Variants in CECR2 observed in about 807,000 individuals in gnomAD.
The protein encoded by CECR2 is CECR2 histone acetyl-lysine reader.
Under a neutral mutation model 154.5 loss-of-function variants are expected in CECR2, and 30 were observed. The observed-to-expected ratio is 0.19, with a 90% CI of 0.15 to 0.26. The LOEUF (loss-of-function observed/expected upper bound fraction) is 0.26, where lower values mean the gene tolerates loss of function less well. Among genes scored for constraint, CECR2 ranks in the 10% least tolerant of loss-of-function variants. The probability of loss-of-function intolerance (pLI) is 1.00; values close to 1 mark genes in which losing one functional copy is unlikely to be tolerated. For synonymous variants in CECR2, 725 were observed against 683.7 expected, an observed-to-expected ratio of 1.06 and a Z score of -0.94; for missense variants, 1,743 against 1,829.3, an observed-to-expected ratio of 0.95 and a Z score of 0.86.
At position 17,554,412 on chromosome 22, in the gene CECR2, C is replaced by T. The variant is rs937838744; in HGVS notation, c.*1572C>T. On this transcript the variant is annotated 3_prime_UTR_variant, in exon 19 of 19. Transcript: ENST00000262608. ...GCCAGTAGAGTGTTTCCCTCCAATT[C>T]CAGGATTCCTAGTGAAGCATGGAAC... The T allele has an allele frequency of 1.3e-5, 2 of 152,124 alleles. No homozygotes were observed. Among genetic ancestry groups the T allele is most frequent in the South Asian group, 4.1e-4 (2 of 4,828 alleles). 9.4% of individuals were successfully genotyped at this position (152,124 alleles called of 1,614,324 possible).
chr22:17,542,302 A>G lies in CECR2; in HGVS notation c.2159A>G (p.Asp720Gly), dbSNP rs1349857911. 1 of 1,612,328 alleles carries G rather than the reference A, an allele frequency of 6.2e-7. No individual in the cohort carries two copies. Among genetic ancestry groups the G allele is most frequent in the Admixed American group, 1.7e-5 (1 of 59,798 alleles). The change falls in exon 16 of 19, where the codon GAT (aspartate) becomes GGT (glycine). Residue 720 changes from aspartate (D) to glycine (G), a missense_variant. By Grantham distance (94) the Asp-to-Gly change is moderately conservative. This residue lies in a region of CECR2 where 1,250 missense variants were observed against 1,192.1 expected (regional missense o/e 1.05). Transcript: ENST00000262608. ...QLGQISGPSQDGSMYAPAQFQ... is the reference protein window; with the variant it reads ...QLGQISGPSQGGSMYAPAQFQ... ...GGGCAGATAAGTGGCCCAAGTCAGG[A>G]TGGAAGCATGTATGCTCCAGCTCAG...
intron 2 of CECR2, among the ~76,000 whole-genome samples, chr22:17,480,633 C>T (rs542960674): frequency 6.6e-6 from 1 of 152,140 alleles, no homozygotes; most frequent in Non-Finnish European, 1.5e-5. Context: ...AATGTACACT[C>T]GTTCTTGTCT....
chr22:17,375,828 G>T (rs560478042), intron 1 of CECR2, among the ~76,000 whole-genome samples: 1 of 152,064 alleles, frequency 6.6e-6, no homozygotes, highest in Non-Finnish European at 1.5e-5. Context: ...GGTGGTGCAT[G>T]CCTGTAATCC....
intron 1 of CECR2, among the ~76,000 whole-genome samples, chr22:17,421,361 A>G (rs1463791649): frequency 6.6e-6 from 1 of 151,978 alleles, no homozygotes; most frequent in Admixed American, 6.5e-5. Context: ...CATGCCTGTA[A>G]TCCCAGCACT....
chr22:17,389,690 C>T (rs568118230), intron 1 of CECR2, among the ~76,000 whole-genome samples: 20 of 152,120 alleles, frequency 1.3e-4, no homozygotes, highest in Non-Finnish European at 2.2e-4. Context: ...TTCAGTGGCA[C>T]GATCTTGGCT....
chr22:17,486,825 A>AGCGC (rs1413766861), intron 2 of CECR2, among the ~76,000 whole-genome samples: 1 of 152,214 alleles, frequency 6.6e-6, no homozygotes, highest in Non-Finnish European at 1.5e-5. Context: ...GGTATGAATA[A>AGCGC]GCGCGAGTGG....
At chr22:17,474,109 C>A (rs948355010) in intron 1 of CECR2, among the ~76,000 whole-genome samples, 10 of 152,030 alleles carry the variant, frequency 6.6e-5, no homozygotes, top group Non-Finnish European at 1.3e-4. Flanking sequence ...TCCAGGGGTT[C>A]GTCACCTATT....
At chr22:17,399,077 GATT>G (rs913717930) in intron 1 of CECR2, among the ~76,000 whole-genome samples, 2 of 152,190 alleles carry the variant, frequency 1.3e-5, no homozygotes, top group African/African-American at 4.8e-5. Context: ...GTTCCCAGGT[GATT>G]ATTATGCACA....
At chr22:17,475,684 G>C (rs1377329315) in intron 1 of CECR2, among the ~76,000 whole-genome samples, 1 of 152,138 alleles carries the variant, frequency 6.6e-6, no homozygotes, top group African/African-American at 2.4e-5. Flanking sequence ...TATCAAATGA[G>C]ATTGGCCTGG....
chr22:17,555,837 C>T lies in CECR2; in HGVS notation c.*2997C>T, dbSNP rs1229428835. The T allele has an allele frequency of 6.6e-6, 1 of 152,008 alleles. No individual in the cohort carries two copies. Among genetic ancestry groups the T allele is most frequent in the Non-Finnish European group, 1.5e-5 (1 of 67,990 alleles). 9.4% of individuals were successfully genotyped at this position (152,008 alleles called of 1,614,324 possible). ...CCAGGAGGATGGGGATAGCTGAGAT[C>T]GTGGAGAATGGGAAATACCATTGCA... On this transcript the variant is annotated 3_prime_UTR_variant, in exon 19 of 19. Transcript: ENST00000262608.
intron 1 of CECR2, among the ~76,000 whole-genome samples, chr22:17,459,445 C>T (rs1318186826): frequency 6.6e-6 from 1 of 152,122 alleles, no homozygotes; most frequent in Non-Finnish European, 1.5e-5. Flanking sequence ...TTGAGCGCCA[C>T]AACGCCCAGC....
intron 1 of CECR2, among the ~76,000 whole-genome samples, chr22:17,375,572 C>T (rs1444576628): frequency 2.0e-5 from 3 of 152,168 alleles, no homozygotes; most frequent in African/African-American, 7.2e-5. Flanking sequence ...TGGAGGCTTG[C>T]ACAGGGCCAT....
chr22:17,520,139 C>T (rs1021387345), intron 8 of CECR2, among the ~76,000 whole-genome samples: 1 of 152,150 alleles, frequency 6.6e-6, no homozygotes, highest in South Asian at 2.1e-4. Context: ...GAGTAATTGG[C>T]TTGCATTTGC....
chr22:17,499,808 G>C (rs773281566), intron 4 of CECR2, among the ~76,000 whole-genome samples: 5 of 152,084 alleles, frequency 3.3e-5, no homozygotes, highest in Non-Finnish European at 5.9e-5. Flanking sequence ...CTTGCCACAG[G>C]CTATTTTAAT....
chr22:17,371,470 A>C (rs892023758), intron 1 of CECR2, among the ~76,000 whole-genome samples: 1 of 152,224 alleles, frequency 6.6e-6, no homozygotes, highest in African/African-American at 2.4e-5. Flanking sequence ...TTCTTTAGAC[A>C]ACTGTTAATA....
At chr22:17,379,260 G>A (rs2146464045) in intron 1 of CECR2, among the ~76,000 whole-genome samples, 1 of 152,242 alleles carries the variant, frequency 6.6e-6, no homozygotes, top group South Asian at 2.1e-4. Context: ...GCCTGGCATT[G>A]TTAATTTTTT....
intron 1 of CECR2, among the ~76,000 whole-genome samples, chr22:17,417,225 C>T (rs1273894076): frequency 6.6e-6 from 1 of 152,194 alleles, no homozygotes; most frequent in Admixed American, 6.5e-5. Context: ...GGCCTACCAA[C>T]AACCATTGAG....
chr22:17,375,125 T>TAC (rs1491032916), intron 1 of CECR2, among the ~76,000 whole-genome samples: 3 of 151,904 alleles, frequency 2.0e-5, no homozygotes, highest in African/African-American at 7.2e-5. Flanking sequence ...AATATATATA[T>TAC]ATTTTTGAGT....
chr22:17,394,905 TATTTC>T (rs1344025065), intron 1 of CECR2, among the ~76,000 whole-genome samples: 1 of 152,248 alleles, frequency 6.6e-6, no homozygotes, highest in African/African-American at 2.4e-5. Context: ...AGAATTGTCT[TATTTC>T]ATTTTCAGAT....
Sources: allele counts gnomAD v4.1 joint callset (sites outside exome capture counted in the v4.1 genomes callset), GRCh38; gene constraint gnomAD v4.1.1; regional missense constraint gnomAD v4.1.1; transcripts MANE v1.5; gene names NCBI Gene and HGNC (gene_info 2026-07-23, HGNC 2026-07-21).